ZDHHC2: variants seen among roughly 807,000 people sequenced by gnomAD.
The protein encoded by ZDHHC2 is palmitoyltransferase ZDHHC2.
A neutral mutation model predicts 55.6 loss-of-function variants in ZDHHC2; 51 were observed. That is an observed-to-expected ratio of 0.92 (90% CI 0.73 to 1.16). The LOEUF is 1.16. Among genes scored for constraint, ZDHHC2 ranks in the 50% most tolerant of loss-of-function variants. The pLI is 0.00. For missense variants in ZDHHC2, 491 were observed against 442.4 expected (o/e 1.11, Z -0.99); for synonymous variants, 199 against 152.9 (o/e 1.30, Z -2.22).
chr8:17,212,947 C>T (rs1807458204), intron 10 of ZDHHC2, among the ~76,000 whole-genome samples: 1 of 152,136 alleles, frequency 6.6e-6, no homozygotes. Context: ...ACTGCAGCCT[C>T]ACACTCCTGG....
chr8:17,169,343 T>C (rs2959634), intron 1 of ZDHHC2, among the ~76,000 whole-genome samples: 73,098 of 151,516 alleles, frequency 0.48, 19,042 homozygotes, highest in East Asian at 0.84. Context: ...CCTTCATTAC[T>C]GGGTAGTGTG....
chr8:17,195,768 C>G, intron 4 of ZDHHC2, 144 bp downstream of exon 4: 2 of 1,145,038 alleles, frequency 1.7e-6, no homozygotes, highest in Non-Finnish European at 2.5e-6. Flanking sequence ...TTAAATCTTT[C>G]CTGTGTGATT....
rs1366922412 is a variant in ZDHHC2 at position 17,219,278 on chromosome 8, A to C, written c.*35-978A>C. Among the ~76,000 whole-genome samples the C allele has an allele frequency of 4.6e-5, 6 of 130,052 alleles. No homozygotes were observed. In the East Asian group the frequency reaches 6.6e-4, roughly 14 times the overall value. The allele number at this position is 130,052 out of a possible 152,430, so 85.3% of individuals were successfully genotyped here. ...AAAAAAAAAAAAAAAAAAAAAAAAA[A>C]CAGAAAAAAAACACTTCATATTTTT... On this transcript the variant is annotated intron_variant, in intron 12 of 12. Coordinates refer to ENST00000262096, the MANE Select transcript of ZDHHC2 (RefSeq NM_016353.5).
At chr8:17,158,783 C>T (rs1216349528) in intron 1 of ZDHHC2, among the ~76,000 whole-genome samples, 3 of 152,184 alleles carry the variant, frequency 2.0e-5, no homozygotes, top group African/African-American at 7.2e-5. Flanking sequence ...CTTCTTGTCC[C>T]TGCCTGCCTG....
chr8:17,199,564 CTTCGTCTTT>C (rs1563161397), intron 6 of ZDHHC2, among the ~76,000 whole-genome samples: 21 of 72,092 alleles, frequency 2.9e-4, no homozygotes, highest in Non-Finnish European at 4.0e-4. Context: ...TCTTCGTCTT[CTTCGTCTTT>C]GTCTTCTTCT....
chr8:17,177,617 A>T (rs890696304), intron 1 of ZDHHC2, among the ~76,000 whole-genome samples: 2 of 152,230 alleles, frequency 1.3e-5, no homozygotes, highest in African/African-American at 4.8e-5. Flanking sequence ...TTTTGTTCTC[A>T]ACAGTGTAAG....
chr8:17,206,546 G>A (rs919404927), intron 7 of ZDHHC2, among the ~76,000 whole-genome samples: 4 of 151,860 alleles, frequency 2.6e-5, no homozygotes, highest in Admixed American at 2.6e-4. Flanking sequence ...ATTTTTTTCA[G>A]GATTTAAAAA....
chr8:17,178,945 T>C (rs1012936873), intron 1 of ZDHHC2, among the ~76,000 whole-genome samples: 5 of 152,178 alleles, frequency 3.3e-5, no homozygotes, highest in African/African-American at 1.2e-4. Context: ...GTTGTCCTAC[T>C]CTGTTTCTTT....
chr8:17,206,217 A>G (rs1807096611), intron 7 of ZDHHC2, among the ~76,000 whole-genome samples: 1 of 152,246 alleles, frequency 6.6e-6, no homozygotes, highest in East Asian at 1.9e-4. Context: ...TTTCTAAACA[A>G]AAGAGAACCG....
chr8:17,203,045 A>G (rs989664727), intron 6 of ZDHHC2, among the ~76,000 whole-genome samples: 1 of 142,628 alleles, frequency 7.0e-6, no homozygotes, highest in Admixed American at 7.2e-5. Flanking sequence ...CATTATTTAC[A>G]CCCATGTTGT....
chr8:17,202,368 G>C (rs961164843), intron 6 of ZDHHC2, among the ~76,000 whole-genome samples: 1 of 152,136 alleles, frequency 6.6e-6, no homozygotes, highest in Non-Finnish European at 1.5e-5. Flanking sequence ...AAGAGAAAGA[G>C]AGGGCTCAAA....
chr8:17,184,785 A>T lies in ZDHHC2; in HGVS notation c.131-4A>T. On this transcript the variant is annotated splice_polypyrimidine_tract_variant and splice_region_variant and intron_variant, in intron 1 of 12. Transcript: ENST00000262096. The stretch of plus-strand genomic sequence containing the variant: ...TAACCTATTACCTTTTTTTCTCTTT[A>T]CAGTGTCCATGGAAAACACTGGCGA... The T allele has an allele frequency of 6.5e-7, 1 of 1,549,652 alleles. No homozygotes were observed. Among genetic ancestry groups the T allele is most frequent in the South Asian group, 1.2e-5 (1 of 83,442 alleles).
At position 17,178,801 on chromosome 8, in the gene ZDHHC2, T is replaced by A. The variant is rs987887254; in HGVS notation, c.131-5988T>A. 7.9e-5 allele frequency among the ~76,000 whole-genome samples: 12 copies of A among 152,360 alleles called. No individual in the cohort carries two copies. In the South Asian group the frequency reaches 1.2e-3, roughly 16 times the overall value. The stretch of plus-strand genomic sequence containing the variant: ...TTATTACTTTGACAGTCTCACTCTT[T>A]AACTTCAATTTTACCTGTTTTATTT... On this transcript the variant is annotated intron_variant, in intron 1 of 12. Transcript: ENST00000262096.
At position 17,197,572 on chromosome 8, in the gene ZDHHC2, T is replaced by G. The variant is rs754504847; in HGVS notation, c.374-10T>G. On this transcript the variant is annotated splice_polypyrimidine_tract_variant and intron_variant, in intron 4 of 12. Coordinates refer to ENST00000262096, the MANE Select transcript of ZDHHC2 (RefSeq NM_016353.5). ...TAACTCTAAGACTAAGTGGAGCTTT[T>G]TGTCCCTAGCCATCCGATACTGTGA... 5.0e-6 allele frequency: 8 copies of G among 1,612,646 alleles called. No individual in the cohort carries two copies. In the African/African-American group the frequency reaches 1.1e-4, roughly 22 times the overall value.
At chr8:17,216,714 C>T (rs1390223322) in intron 11 of ZDHHC2, among the ~76,000 whole-genome samples, 2 of 151,758 alleles carry the variant, frequency 1.3e-5, no homozygotes, top group Non-Finnish European at 2.9e-5. Context: ...TCGGCATGTT[C>T]GATTAATTTT....
rs200087281 is a variant in ZDHHC2 at position 17,209,936 on chromosome 8, A to G, written c.735A>G (p.Ala245=). 1.2e-5 allele frequency: 19 copies of G among 1,607,178 alleles called. No homozygotes were observed. In the African/African-American group the frequency reaches 2.3e-4, roughly 19 times the overall value. ...TCCTTTACCATCTTTTTTTAGAGGC[A>G]TTCAGAAGTCCAGTATTTCGACATG... The part of the protein sequence containing the change: ...LVSKNKSTLE[A]FRSPVFRHGT... The change falls in exon 9 of 13, where the codon GCA becomes GCG. Residue 245 remains alanine, a synonymous_variant. Coordinates refer to ENST00000262096, the MANE Select transcript of ZDHHC2 (RefSeq NM_016353.5).
Position 17,205,705 on chromosome 8 carries a change from T to G in ZDHHC2, c.527T>G (p.Leu176Trp). 1 of 1,609,758 alleles carries G rather than the reference T, an allele frequency of 6.2e-7. No homozygotes were observed. The highest frequency in any genetic ancestry group is 8.5e-7 in the Non-Finnish European group (1 of 1,178,740). ...AATTATAAGTTCTTTCTCCTTTTCT[T>G]GGCTTATTCTCTGCTCTACTGCCTT... The part of the protein sequence containing the change: ...FSNYKFFLLF[L>W]AYSLLYCLFI... The change falls in exon 7 of 13, where the codon TTG becomes TGG. Residue 176 changes from leucine to tryptophan, a missense_variant. Transcript: ENST00000262096.
chr8:17,196,028 A>G (rs536501737), intron 4 of ZDHHC2, among the ~76,000 whole-genome samples: 4 of 152,278 alleles, frequency 2.6e-5, no homozygotes, highest in Non-Finnish European at 5.9e-5. Flanking sequence ...TTTTTCGTAA[A>G]CTTAGAACAG....
intron 1 of ZDHHC2, among the ~76,000 whole-genome samples, chr8:17,178,209 T>G (rs1435016161): frequency 2.6e-5 from 4 of 152,154 alleles, no homozygotes. Context: ...TAGATACCAT[T>G]TAGGACAGTA....
Sources: gnomAD v4.1 joint callset for allele counts (sites outside exome capture counted in the v4.1 genomes callset) on GRCh38, gnomAD v4.1.1 for gene constraint, MANE v1.5 for transcripts, NCBI Gene and HGNC (gene_info 2026-07-23, HGNC 2026-07-21) for gene names.